The following TRPM7 variants were observed in gnomAD, a reference collection of about 807,000 sequenced individuals.
The protein encoded by TRPM7 is LTRPC ion channel family member 7.
In TRPM7, 134 loss-of-function variants were observed where a neutral mutation model predicts 229.7. The ratio of observed to expected loss-of-function variants is 0.58; its 90% CI spans 0.51 to 0.67. The LOEUF (loss-of-function observed/expected upper bound fraction) is 0.67, where lower values mean the gene tolerates loss of function less well. Ranked by LOEUF, TRPM7 falls within the 30% of genes least tolerant of loss-of-function variation. TRPM7 has a pLI of 0.00. For synonymous variants in TRPM7, 699 were observed against 715.2 expected, an observed-to-expected ratio of 0.98 and a Z score of 0.36; for missense variants, 1,901 against 2,210.0, an observed-to-expected ratio of 0.86 and a Z score of 2.80.
Position 50,558,463 on chromosome 15 carries a change from G to C in TRPM7, c.*3215C>G, listed in dbSNP as rs1173640113. ...ATCCCAGTACTTTGGGTAGCCGGGG[G>C]AGGTGGATCACTTGAGGTCAGGAGT... On this transcript the variant is annotated 3_prime_UTR_variant, in exon 39 of 39. Transcript: ENST00000646667. 1.3e-5 allele frequency: 2 copies of C among 152,186 alleles called. No individual in the cohort carries two copies. 9.4% of individuals were successfully genotyped at this position (152,186 alleles called of 1,614,324 possible). A position where few individuals can be genotyped will look rare whatever the true frequency, so the allele number is the denominator to read the frequency against.
chr15:50,578,839 GATATATATATCTATATATAT>G (rs964794420), intron 30 of TRPM7, among the ~76,000 whole-genome samples, 175 bp from the exon 31 acceptor site: 2 of 149,420 alleles, frequency 1.3e-5, no homozygotes, highest in Non-Finnish European at 3.0e-5. Context: ...TCCATATATA[GATATATATATCTATATATAT>G]ATATCCATAT....
intron 13 of TRPM7, among the ~76,000 whole-genome samples, chr15:50,618,569 CAATAAATA>C (rs112152993): frequency 0.06 from 8,564 of 141,990 alleles, 389 homozygotes; most frequent in African/African-American, 0.13. Flanking sequence ...GATTCCGTCT[CAATAAATA>C]AATAAATAAA....
chr15:50,635,492 T>C (rs549896560), intron 7 of TRPM7, among the ~76,000 whole-genome samples: 3 of 148,838 alleles, frequency 2.0e-5, no homozygotes, highest in Admixed American at 6.7e-5. Context: ...TGAAACCCCG[T>C]CTCTACTAAA....
At chr15:50,659,904 G>A (rs1395844623) in intron 2 of TRPM7, among the ~76,000 whole-genome samples, 1 of 152,114 alleles carries the variant, frequency 6.6e-6, no homozygotes, top group East Asian at 1.9e-4. Context: ...CTGACCTCAG[G>A]TGATCCACCT....
intron 1 of TRPM7, among the ~76,000 whole-genome samples, chr15:50,671,655 TTTTA>T (rs2061990070): frequency 6.6e-6 from 1 of 152,066 alleles, no homozygotes. Context: ...CAAAAGTTTT[TTTTA>T]ATTAGCCAAG....
At chr15:50,567,155 T>A (rs1318466300) in intron 38 of TRPM7, among the ~76,000 whole-genome samples, 1 of 151,988 alleles carries the variant, frequency 6.6e-6, no homozygotes, top group Non-Finnish European at 1.5e-5. Context: ...CTTAGTTTAT[T>A]TTTTTATTTT....
chr15:50,631,510 A>G, intron 9 of TRPM7, 21 bp from the exon 10 acceptor site: 1 of 1,508,220 alleles, frequency 6.6e-7, no homozygotes, highest in Non-Finnish European at 9.2e-7. Flanking sequence ...ATAAATTTAT[A>G]ACATTATGCC....
rs116399009 is a variant in TRPM7 at position 50,583,880 on chromosome 15, G to A, written c.4487-721C>T. On this transcript the variant is annotated intron_variant, in intron 28 of 38. Transcript: ENST00000646667. ...TGAGCCACTGCGCCTAGCCAGCTTA[G>A]AGATTTTCTACAGAACAGAGAAGAT... Among the ~76,000 whole-genome samples, 291 of 152,208 alleles carry A rather than the reference G, an allele frequency of 1.9e-3. 1 individual carries two copies. The highest frequency in any genetic ancestry group is 6.4e-3 in the African/African-American group (267 of 41,548).
rs537205261 is a variant in TRPM7, at chr15:50,582,211, G to A, written c.4557+878C>T. Among the ~76,000 whole-genome samples the A allele has an allele frequency of 5.9e-5, 9 of 151,966 alleles. No homozygotes were observed. The East Asian group carries it at 1.4e-3, about 23-fold the overall frequency. ...TGATCTCAAGTGATCCACCCGCTTC[G>A]GCCTCCCAAAATGCTGGGATTACAG... On this transcript the variant is annotated intron_variant, in intron 29 of 38. Transcript: ENST00000646667.
intron 22 of TRPM7, among the ~76,000 whole-genome samples, chr15:50,596,674 G>T (rs1196669845): frequency 3.9e-5 from 6 of 152,176 alleles, no homozygotes; most frequent in African/African-American, 1.4e-4. Flanking sequence ...TCGAGGCAGG[G>T]TTTAACCTGA....
intron 19 of TRPM7, among the ~76,000 whole-genome samples, chr15:50,607,967 A>G (rs367563685): frequency 1.4e-5 from 2 of 147,774 alleles, no homozygotes. Flanking sequence ...AGGCACAAGA[A>G]TTGCTTGAAC....
Position 50,612,588 on chromosome 15 carries a change from A to G in TRPM7, c.2012T>C (p.Leu671Pro). The G allele has an allele frequency of 6.2e-7, 1 of 1,613,818 alleles. No homozygotes were observed. The highest frequency in any genetic ancestry group is 8.5e-7 in the Non-Finnish European group (1 of 1,179,802). Residue 671 changes from leucine to proline, a missense_variant, in exon 16 of 39, where the codon CTG (leucine) becomes CCG (proline). Transcript: ENST00000646667. ...SMAYEAKQSD[L>P]VDDTSEELKQ... ...TAGTTCTTCTGAAGTATCATCTACC[A>G]GGTCACTCTGCTTTGCTTCATATGC...
rs757400939 is a variant in TRPM7, at chr15:50,628,093, C to T, written c.1305+56G>A. ...AGTCAGGTCACAGTTCCCGCAAATA[C>T]TTTTTTATTACTTAGTGTAATTTAA... On this transcript the variant is annotated intron_variant, in intron 11 of 38. Transcript: ENST00000646667. 9.1e-4 allele frequency: 1,178 copies of T among 1,290,850 alleles called. 1 individual carries two copies. Among genetic ancestry groups the T allele is most frequent in the Non-Finnish European group, 1.2e-3 (1,087 of 909,708 alleles). 80.0% of individuals were successfully genotyped at this position (1,290,850 alleles called of 1,614,324 possible).
chr15:50,587,843 C>T (rs2059382730), intron 27 of TRPM7, among the ~76,000 whole-genome samples: 1 of 152,106 alleles, frequency 6.6e-6, no homozygotes, highest in African/African-American at 2.4e-5. Context: ...CCTATAAAAT[C>T]TACTTCAACC....
chr15:50,682,287 G>C (rs1057483084), intron 1 of TRPM7, among the ~76,000 whole-genome samples: 3 of 151,236 alleles, frequency 2.0e-5, no homozygotes, highest in African/African-American at 4.9e-5. Context: ...CCTTTAACAG[G>C]GTTCTAAAAC....
intron 13 of TRPM7, among the ~76,000 whole-genome samples, chr15:50,616,533 G>A (rs1399541679): frequency 6.6e-6 from 1 of 152,132 alleles, no homozygotes; most frequent in East Asian, 1.9e-4. Context: ...ACCATAGGTC[G>A]GGGACAGAAG....
intron 38 of TRPM7, among the ~76,000 whole-genome samples, chr15:50,566,633 G>T (rs2053610786): frequency 6.6e-6 from 1 of 151,972 alleles, no homozygotes; most frequent in Non-Finnish European, 1.5e-5. Context: ...GAGGTGGAGG[G>T]TGCAGTGAGC....
chr15:50,686,093 T>C (rs1249487248), intron 1 of TRPM7, among the ~76,000 whole-genome samples: 1 of 152,180 alleles, frequency 6.6e-6, no homozygotes, highest in Non-Finnish European at 1.5e-5. Flanking sequence ...CCCTCCCTTT[T>C]TTCCATGTAA....
chr15:50,680,157 C>T (rs2062211029), intron 1 of TRPM7, among the ~76,000 whole-genome samples: 1 of 152,008 alleles, frequency 6.6e-6, no homozygotes, highest in African/African-American at 2.4e-5. Context: ...TCACTTGAAC[C>T]CGGGAGGCAG....
Sources: allele counts gnomAD v4.1 joint callset (sites outside exome capture counted in the v4.1 genomes callset), GRCh38; gene constraint gnomAD v4.1.1; transcripts MANE v1.5; gene names NCBI Gene and HGNC (gene_info 2026-07-23, HGNC 2026-07-21).